GRAMD2B: variants seen among roughly 807,000 people sequenced by gnomAD.
GRAMD2B encodes the protein GRAM domain-containing protein 2B.
In GRAMD2B, 41 loss-of-function variants were observed where a neutral mutation model predicts 59.2. That is an observed-to-expected ratio of 0.69 (90% CI 0.54 to 0.90). The LOEUF (loss-of-function observed/expected upper bound fraction) is 0.90. GRAMD2B is among the 40% of genes least tolerant of loss of function. The probability of loss-of-function intolerance (pLI) is 0.00; values close to 1 mark genes in which losing one functional copy is unlikely to be tolerated. For missense variants in GRAMD2B, 424 were observed against 500.5 expected (o/e 0.85, Z 1.46); for synonymous variants, 161 against 182.7 (o/e 0.88, Z 0.96).
At chr5:126,426,619 GGA>G (rs1473209145) in intron 1 of GRAMD2B, among the ~76,000 whole-genome samples, 1 of 152,136 alleles carries the variant, frequency 6.6e-6, no homozygotes, top group Non-Finnish European at 1.5e-5. Context: ...ATTTCTCAGA[GGA>G]CCCAACCAAC....
rs1176652896 is a variant in GRAMD2B, at chr5:126,448,508, G to C, written c.84-16918G>C. On this transcript the variant is annotated intron_variant, in intron 1 of 13. Coordinates refer to ENST00000285689, the MANE Select transcript of GRAMD2B (RefSeq NM_023927.4). ...AGAGAACCAAAGGGGTTTTAAAGGA[G>C]GAGAAGGAATGATATGATCATATTT... 2.6e-5 allele frequency among the ~76,000 whole-genome samples: 4 copies of C among 152,110 alleles called. No homozygotes were observed. The East Asian group carries it at 7.7e-4, about 29-fold the overall frequency.
At chr5:126,379,165 T>C (rs940138165) in intron 1 of GRAMD2B, among the ~76,000 whole-genome samples, 22 of 152,162 alleles carry the variant, frequency 1.4e-4, no homozygotes, top group African/African-American at 5.1e-4. Flanking sequence ...TATTTGATTT[T>C]CCATTCCGAG....
At chr5:126,490,108 G>A (rs918873668) in intron 13 of GRAMD2B, among the ~76,000 whole-genome samples, 4 of 152,076 alleles carry the variant, frequency 2.6e-5, no homozygotes, top group African/African-American at 9.7e-5. Flanking sequence ...TCTTTACATC[G>A]AGAATCAACC....
intron 6 of GRAMD2B, among the ~76,000 whole-genome samples, chr5:126,479,576 AAGTT>A (rs1771317013): frequency 1.3e-5 from 2 of 152,274 alleles, no homozygotes; most frequent in East Asian, 1.9e-4. Context: ...AGAAAACTGA[AAGTT>A]AGAGGGGTTA....
chr5:126,493,203 A>G lies in GRAMD2B; in HGVS notation c.*247A>G. The G allele has an allele frequency of 2.0e-6, 1 of 495,494 alleles. No individual in the cohort carries two copies. Among genetic ancestry groups the G allele is most frequent in the Non-Finnish European group, 3.6e-6 (1 of 274,882 alleles). 30.7% of individuals were successfully genotyped at this position (495,494 alleles called of 1,614,324 possible). ...GCTTTTGCCTGAAGAAAACAGACCC[A>G]TCTCTGGAGGTCTCAGGAAGGGCCC... On this transcript the variant is annotated 3_prime_UTR_variant, in exon 14 of 14. Coordinates refer to ENST00000285689, the MANE Select transcript of GRAMD2B (RefSeq NM_023927.4).
At chr5:126,400,770 T>C (rs1301681526) in intron 1 of GRAMD2B, among the ~76,000 whole-genome samples, 1 of 152,110 alleles carries the variant, frequency 6.6e-6, no homozygotes, top group Admixed American at 6.6e-5. Context: ...GAAAATATCA[T>C]CCTACTCTCT....
intron 1 of GRAMD2B, among the ~76,000 whole-genome samples, chr5:126,385,171 C>T (rs543375807): frequency 6.6e-6 from 1 of 152,270 alleles, no homozygotes; most frequent in South Asian, 2.1e-4. Context: ...CACTAATATG[C>T]TCAATATAGG....
chr5:126,440,828 C>CTATTCATG, intron 1 of GRAMD2B, among the ~76,000 whole-genome samples: 1 of 152,068 alleles, frequency 6.6e-6, no homozygotes, highest in Admixed American at 6.6e-5. Flanking sequence ...CACATTAACA[C>CTATTCATG]AATGGTATAT....
At chr5:126,418,463 G>A (rs1204114779), upstream of GRAMD2B, among the ~76,000 whole-genome samples, 3 of 152,108 alleles carry the variant, frequency 2.0e-5, no homozygotes, top group South Asian at 6.2e-4. Flanking sequence ...TTGCCATCTT[G>A]CCTATTCCTC....
upstream of GRAMD2B, chr5:126,423,322 C>T (rs1255631907): frequency 2.3e-6 from 3 of 1,281,682 alleles, no homozygotes; most frequent in Non-Finnish European, 2.9e-6. Flanking sequence ...TTTCTCTTCT[C>T]TGCCTCCTGG....
intron 13 of GRAMD2B, among the ~76,000 whole-genome samples, chr5:126,489,570 T>C (rs956444375): frequency 2.0e-5 from 3 of 152,208 alleles, no homozygotes; most frequent in Non-Finnish European, 4.4e-5. Flanking sequence ...GCTTTGTTGA[T>C]AAGGCCACAG....
upstream of GRAMD2B, among the ~76,000 whole-genome samples, chr5:126,418,505 C>T (rs1381808983): frequency 1.3e-5 from 2 of 152,184 alleles, no homozygotes; most frequent in African/African-American, 4.8e-5. Context: ...GTGGTTGCTT[C>T]ATCTCTAGGA....
At chr5:126,444,824 T>C (rs1763926069) in intron 1 of GRAMD2B, among the ~76,000 whole-genome samples, 1 of 152,194 alleles carries the variant, frequency 6.6e-6, no homozygotes, top group Non-Finnish European at 1.5e-5. Flanking sequence ...CAGCATCCAT[T>C]AGCTATTCTT....
chr5:126,406,613 G>C (rs1758287316), intron 1 of GRAMD2B, among the ~76,000 whole-genome samples: 1 of 151,862 alleles, frequency 6.6e-6, no homozygotes, highest in Non-Finnish European at 1.5e-5. Context: ...TCCTAAATTT[G>C]ATTTTGTTAT....
intron 1 of GRAMD2B, among the ~76,000 whole-genome samples, chr5:126,408,819 C>T (rs1447839480): frequency 6.9e-6 from 1 of 144,066 alleles, no homozygotes; most frequent in Non-Finnish European, 1.5e-5. Flanking sequence ...AGGTATATCT[C>T]CTAATGCTAT....
intron 1 of GRAMD2B, among the ~76,000 whole-genome samples, chr5:126,446,508 A>C (rs1487197414): frequency 6.6e-6 from 1 of 152,090 alleles, no homozygotes; most frequent in Non-Finnish European, 1.5e-5. Flanking sequence ...TTTCTAATAA[A>C]ATCCAGCAGT....
chr5:126,475,085 T>C (rs10050399), intron 5 of GRAMD2B, among the ~76,000 whole-genome samples: 41,754 of 152,020 alleles, frequency 0.27, 5,941 homozygotes, highest in Middle Eastern at 0.38. Flanking sequence ...GTTCCCCTTC[T>C]AAAGCAGTTT....
At chr5:126,405,201 G>A (rs1758167944) in intron 1 of GRAMD2B, among the ~76,000 whole-genome samples, 1 of 151,922 alleles carries the variant, frequency 6.6e-6, no homozygotes, top group Admixed American at 6.6e-5. Context: ...TGAGTTCTGT[G>A]TTGCCCATTT....
chr5:126,380,239 A>AT lies in GRAMD2B; in HGVS notation c.125+8678dup, dbSNP rs147640028. 1.5e-3 allele frequency among the ~76,000 whole-genome samples: 234 copies of AT among 151,988 alleles called. 5 individuals carry two copies. The East Asian group carries it at 0.042, about 27-fold the overall frequency. On this transcript the variant is annotated intron_variant, in intron 1 of 8. Coordinates refer to the GRAMD2B transcript ENST00000506445. Reference sequence around the variant, plus strand: ...TGTAGGCATTTGGCTTTATTTCTGCATTTTTTATTCTGCTCCATTGGTCTA... The same window carrying AT: ...TGTAGGCATTTGGCTTTATTTCTGCATTTTTTTATTCTGCTCCATTGGTCTA...
Sources: allele counts gnomAD v4.1 joint callset (sites outside exome capture counted in the v4.1 genomes callset), GRCh38; gene constraint gnomAD v4.1.1; transcripts MANE v1.5; gene names NCBI Gene and HGNC (gene_info 2026-07-23, HGNC 2026-07-21).